The following FAM32A variants were observed in gnomAD, a reference collection of about 807,000 sequenced individuals.
FAM32A encodes the protein protein FAM32A.
Under a neutral mutation model 15.8 loss-of-function variants are expected in FAM32A, and 9 were observed. The ratio of observed to expected loss-of-function variants is 0.57; its 90% CI spans 0.34 to 1.00. FAM32A has a LOEUF of 1.00. Ranked by LOEUF, FAM32A falls within the 50% of genes least tolerant of loss-of-function variation. The pLI, the probability that FAM32A is intolerant of heterozygous loss-of-function variation, is 0.02. For missense variants in FAM32A, 113 were observed against 138.3 expected (o/e 0.82, Z 0.92); for synonymous variants, 64 against 54.9 (o/e 1.16, Z -0.73).
At chr19:16,190,457 C>A (rs1280872312) in intron 2 of FAM32A, 63 bp from the exon 3 acceptor site, 2 of 1,219,386 alleles carry the variant, frequency 1.6e-6, no homozygotes, top group Non-Finnish European at 2.4e-6. Context: ...CCATCTTCCA[C>A]CCCATGCCAG....
chr19:16,191,269 C>A lies in FAM32A; in HGVS notation c.*314C>A. On this transcript the variant is annotated 3_prime_UTR_variant, in exon 4 of 4. Transcript: ENST00000263384. The stretch of plus-strand genomic sequence containing the variant: ...TGTAAAAATGTTTTCACCCGAGTTG[C>A]ATGTAACGCTCTGAGGCCAGCCAGC... The A allele has an allele frequency of 2.8e-6, 1 of 360,036 alleles. No homozygotes were observed. Among genetic ancestry groups the A allele is most frequent in the Non-Finnish European group, 5.4e-6 (1 of 186,532 alleles). The allele number at this position is 360,036 out of a possible 1,614,324, so 22.3% of individuals were successfully genotyped here. A position where few individuals can be genotyped will look rare whatever the true frequency, so the allele number is the denominator to read the frequency against.
At chr19:16,188,817 AG>A (rs998171129) in intron 2 of FAM32A, among the ~76,000 whole-genome samples, 23 of 151,992 alleles carry the variant, frequency 1.5e-4, no homozygotes, top group Non-Finnish European at 2.9e-4. Flanking sequence ...ATGAAGGAGA[AG>A]GGGGGGACAG....
intron 2 of FAM32A, among the ~76,000 whole-genome samples, chr19:16,189,871 G>A (rs906650974): frequency 2.0e-5 from 3 of 151,544 alleles, no homozygotes; most frequent in African/African-American, 7.3e-5. Context: ...GTCTCCTTAT[G>A]TTGCCCAGGC....
At chr19:16,189,936 T>C (rs990167846) in intron 2 of FAM32A, among the ~76,000 whole-genome samples, 2 of 152,058 alleles carry the variant, frequency 1.3e-5, no homozygotes, top group Non-Finnish European at 2.9e-5. Context: ...CCCAAAGTGC[T>C]GGGATTACAG....
Position 16,185,614 on chromosome 19 carries a change from C to T in FAM32A, c.75-10C>T, listed in dbSNP as rs769820010. 3 of 1,599,556 alleles carry T rather than the reference C, an allele frequency of 1.9e-6. No individual in the cohort carries two copies. The highest frequency in any genetic ancestry group is 1.7e-6 in the Non-Finnish European group (2 of 1,172,718). On this transcript the variant is annotated splice_polypyrimidine_tract_variant and intron_variant, in intron 1 of 3. Coordinates refer to ENST00000263384, the MANE Select transcript of FAM32A (RefSeq NM_014077.4). ...CCTCCGACCCGCCGCCTCCTCATGT[C>T]TTTTTCCAGGAAGAAGAAAAAGAAG...
At chr19:16,186,240 G>A (rs1297416169) in intron 2 of FAM32A, 1 of 157,086 alleles carries the variant, frequency 6.4e-6, no homozygotes, top group African/African-American at 2.4e-5. Flanking sequence ...CATGCTCGCC[G>A]CTCGAAGTCA....
intron 1 of FAM32A, 43 bp from the exon 2 acceptor site, chr19:16,185,581 G>T (rs1434278067): frequency 1.9e-6 from 3 of 1,592,164 alleles, no homozygotes; most frequent in Non-Finnish European, 1.7e-6. Flanking sequence ...GGGACCCCTG[G>T]CCCTGATCCT....
At position 16,191,438 on chromosome 19, in the gene FAM32A, C is replaced by T. The variant is rs560818802; in HGVS notation, c.*483C>T. 225 of 157,798 alleles carry T rather than the reference C, an allele frequency of 1.4e-3. 1 individual carries two copies. The highest frequency in any genetic ancestry group is 2.5e-3 in the Non-Finnish European group (181 of 71,236). 9.8% of individuals were successfully genotyped at this position (157,798 alleles called of 1,614,324 possible). A position where few individuals can be genotyped will look rare whatever the true frequency, so the allele number is the denominator to read the frequency against. On this transcript the variant is annotated 3_prime_UTR_variant, in exon 4 of 4. Coordinates refer to ENST00000263384, the MANE Select transcript of FAM32A (RefSeq NM_014077.4). ...GGGCCTATGCTGTCCCCTGCAGGCC[C>T]TAGGGAAGCCACTTGCAACTATGCG...
chr19:16,190,605 GC>G, intron 3 of FAM32A, 32 bp downstream of exon 3: 1 of 1,568,434 alleles, frequency 6.4e-7, no homozygotes, highest in Non-Finnish European at 8.8e-7. Context: ...GGGAGACTGA[GC>G]CATTCAGGGT....
chr19:16,190,605 G>A (rs200664445), intron 3 of FAM32A, 32 bp downstream of exon 3: 169 of 1,568,436 alleles, frequency 1.1e-4, no homozygotes, highest in African/African-American at 4.7e-4. Context: ...GGGAGACTGA[G>A]CCATTCAGGG....
Position 16,190,026 on chromosome 19 carries a change from T to C in FAM32A, c.217-494T>C, listed in dbSNP as rs186462926. 4.6e-5 allele frequency among the ~76,000 whole-genome samples: 7 copies of C among 152,196 alleles called. No individual in the cohort carries two copies. In the East Asian group the frequency reaches 1.4e-3, roughly 29 times the overall value. On this transcript the variant is annotated intron_variant, in intron 2 of 3. Coordinates refer to ENST00000263384, the MANE Select transcript of FAM32A (RefSeq NM_014077.4). Reference sequence around the variant, plus strand: ...TCCAGGTGTCATTGAGTGTTTGAAGTGAGGATCAGAGCAGGTCATGGTGCA... The same window carrying C: ...TCCAGGTGTCATTGAGTGTTTGAAGCGAGGATCAGAGCAGGTCATGGTGCA...
rs1425107725 is a variant in FAM32A at position 16,190,894 on chromosome 19, A to G, written c.278A>G (p.Asn93Ser). 4.3e-6 allele frequency: 7 copies of G among 1,614,046 alleles called. No individual in the cohort carries two copies. The highest frequency in any genetic ancestry group is 2.2e-5 in the East Asian group (1 of 44,876). Residue 93 changes from asparagine (N) to serine (S), a missense_variant, in exon 4 of 4, where the codon AAC becomes AGC. Asn to Ser is a conservative substitution (Grantham distance 46). Transcript: ENST00000263384. ...KTHKQRVEDFNRHLDTLTEHY... is the reference protein window; with the variant it reads ...KTHKQRVEDFSRHLDTLTEHY... ...TCTACTCCACCTCCCCAGGACTTCA[A>G]CAGACACCTGGACACACTCACGGAG...
chr19:16,189,028 T>TC (rs1380680899), intron 2 of FAM32A, among the ~76,000 whole-genome samples: 1 of 144,030 alleles, frequency 6.9e-6, no homozygotes, highest in East Asian at 2.0e-4. Flanking sequence ...TCTTTTTTTT[T>TC]TTTTTTTTTT....
At chr19:16,188,366 AG>A (rs2091393654) in intron 2 of FAM32A, among the ~76,000 whole-genome samples, 1 of 152,186 alleles carries the variant, frequency 6.6e-6, no homozygotes, top group Non-Finnish European at 1.5e-5. Context: ...GAAGGATTGC[AG>A]GTAAAGCAGG....
chr19:16,191,342 C>T lies in FAM32A; in HGVS notation c.*387C>T, dbSNP rs1194382921. ...ACTCCAGAGGGTAAGGAGCTAGCGCCATGGTGGCCTGCAGTATGCAGAGCC... is the reference window on the plus strand; with the variant it reads ...ACTCCAGAGGGTAAGGAGCTAGCGCTATGGTGGCCTGCAGTATGCAGAGCC... On this transcript the variant is annotated 3_prime_UTR_variant, in exon 4 of 4. Coordinates refer to ENST00000263384, the MANE Select transcript of FAM32A (RefSeq NM_014077.4). 3.5e-6 allele frequency: 1 copy of T among 289,506 alleles called. No homozygotes were observed. Among genetic ancestry groups the T allele is most frequent in the Admixed American group, 4.6e-5 (1 of 21,690 alleles). The allele number at this position is 289,506 out of a possible 1,614,324, so 17.9% of individuals were successfully genotyped here.
chr19:16,185,715 G>T lies in FAM32A; in HGVS notation c.166G>T (p.Asp56Tyr). 1 of 1,559,480 alleles carries T rather than the reference G, an allele frequency of 6.4e-7. No homozygotes were observed. The highest frequency in any genetic ancestry group is 8.7e-7 in the Non-Finnish European group (1 of 1,150,558). Residue 56 changes from aspartate to tyrosine, a missense_variant, in exon 2 of 4, where the codon GAC (aspartate) becomes TAC (tyrosine). Around this residue, in one of 2 missense-constraint regions of FAM32A, gnomAD observed 112 missense variants for 118.6 expected, o/e 0.94. Coordinates refer to ENST00000263384, the MANE Select transcript of FAM32A (RefSeq NM_014077.4). The part of the protein sequence containing the change: ...KNEEEKRRGL[D>Y]KRTPAQAAFE... ...CGAGGAGGAGAAGCGGCGCGGCCTG[G>T]ACAAGCGGACCCCGGCCCAGGCGGC...
chr19:16,188,571 C>T (rs2091394310), intron 2 of FAM32A, among the ~76,000 whole-genome samples: 1 of 152,184 alleles, frequency 6.6e-6, no homozygotes, highest in Admixed American at 6.5e-5. Flanking sequence ...GGCAACATAG[C>T]GATACCCTGT....
Position 16,190,922 on chromosome 19 carries a change from T to C in FAM32A, c.306T>C (p.His102=), listed in dbSNP as rs547790142. Reference sequence around the variant, plus strand: ...GACACCTGGACACACTCACGGAGCATTACGACATTCCCAAAGTCAGCTGGA... The same window carrying C: ...GACACCTGGACACACTCACGGAGCACTACGACATTCCCAAAGTCAGCTGGA... The part of the protein sequence containing the change: ...FNRHLDTLTE[H]YDIPKVSWTK The change falls in exon 4 of 4, where the codon CAT becomes CAC. Residue 102 remains histidine (H), a synonymous_variant. Transcript: ENST00000263384. 8.7e-6 allele frequency: 14 copies of C among 1,614,128 alleles called. No homozygotes were observed. The highest frequency in any genetic ancestry group is 2.2e-5 in the East Asian group (1 of 44,882).
rs2091405679 is a variant in FAM32A at position 16,191,277 on chromosome 19, G to A, written c.*322G>A. The A allele has an allele frequency of 8.6e-6, 3 of 349,300 alleles. No individual in the cohort carries two copies. Among genetic ancestry groups the A allele is most frequent in the East Asian group, 7.4e-5 (1 of 13,446 alleles). 21.6% of individuals were successfully genotyped at this position (349,300 alleles called of 1,614,324 possible). On this transcript the variant is annotated 3_prime_UTR_variant, in exon 4 of 4. Coordinates refer to ENST00000263384, the MANE Select transcript of FAM32A (RefSeq NM_014077.4). ...TGTTTTCACCCGAGTTGCATGTAAC[G>A]CTCTGAGGCCAGCCAGCTGTCTTCT... is the stretch of plus-strand genomic sequence containing the variant.
Sources: gnomAD v4.1 joint callset for allele counts (sites outside exome capture counted in the v4.1 genomes callset) on GRCh38, gnomAD v4.1.1 for gene constraint, gnomAD v4.1.1 regional missense constraint, MANE v1.5 for transcripts, NCBI Gene and HGNC (gene_info 2026-07-23, HGNC 2026-07-21) for gene names.